The following FBH1 variants were observed in gnomAD, a reference collection of about 807,000 sequenced individuals.
The protein encoded by FBH1 is DNA 3'-5' helicase 1.
FBH1 carries 43 observed loss-of-function variants against 115.5 expected under a neutral mutation model. The observed-to-expected ratio is 0.37, with a 90% CI of 0.29 to 0.48. FBH1 has a LOEUF of 0.48. FBH1 is among the 20% of genes least tolerant of loss of function. The pLI is 0.99. For missense variants in FBH1, 1,001 were observed against 1,337.3 expected, an observed-to-expected ratio of 0.75 and a Z score of 3.92; for synonymous variants, 524 against 507.8, an observed-to-expected ratio of 1.03 and a Z score of -0.43.
Position 5,917,119 on chromosome 10 carries a change from T to G in FBH1, c.1789-301T>G. On this transcript the variant is annotated intron_variant, in intron 10 of 20. Coordinates refer to ENST00000362091, the MANE Select transcript of FBH1 (RefSeq NM_178150.3). This position sits in a 1 kb window ranked among gnomAD's most constrained non-coding sequence, Gnocchi z 5.6. Reference sequence around the variant, plus strand: ...TTTCAATCATGTGCCATTGTTTTTGTGAATTAAGCATCAGTCATAAATCTA... The same window carrying G: ...TTTCAATCATGTGCCATTGTTTTTGGGAATTAAGCATCAGTCATAAATCTA... The G allele has an allele frequency of 3.0e-6, 1 of 334,682 alleles. No homozygotes were observed. The highest frequency in any genetic ancestry group is 5.6e-6 in the Non-Finnish European group (1 of 179,140). 20.7% of individuals were successfully genotyped at this position (334,682 alleles called of 1,614,324 possible). A position where few individuals can be genotyped will look rare whatever the true frequency, so the allele number is the denominator to read the frequency against.
chr10:5,909,851 C>T lies in FBH1; in HGVS notation c.1020+557C>T, dbSNP rs540360365. ...AGAGGGCTGGGAACCCAGGCAACTGCATTTCTGTTTCTCTTGAAGAAGATG... is the reference window on the plus strand; with the variant it reads ...AGAGGGCTGGGAACCCAGGCAACTGTATTTCTGTTTCTCTTGAAGAAGATG... On this transcript the variant is annotated intron_variant, in intron 5 of 20. Coordinates refer to ENST00000362091, the MANE Select transcript of FBH1 (RefSeq NM_178150.3). The surrounding 1 kb of genome is among the most constrained non-coding windows in gnomAD (Gnocchi z 4.4). 6.6e-6 allele frequency among the ~76,000 whole-genome samples: 1 copy of T among 152,314 alleles called. No homozygotes were observed. The highest frequency in any genetic ancestry group is 1.9e-4 in the East Asian group (1 of 5,180).
chr10:5,936,794 G>T lies in FBH1; in HGVS notation c.2961+207G>T. 1 of 664,054 alleles carries T rather than the reference G, an allele frequency of 1.5e-6. No homozygotes were observed. The highest frequency in any genetic ancestry group is 2.5e-6 in the Non-Finnish European group (1 of 401,378). 41.1% of individuals were successfully genotyped at this position (664,054 alleles called of 1,614,324 possible). On this transcript the variant is annotated intron_variant, in intron 20 of 20. Transcript: ENST00000362091. The surrounding 1 kb of genome is among the most constrained non-coding windows in gnomAD (Gnocchi z 5.6). ...GATGCTGCCTGGCTGTGCTGAAGCC[G>T]CAGGTCTGGGAGGCTGGGTTGTGAT...
In FBH1 at chr10:5,931,855, A is replaced by G. The variant is rs1564464998; in HGVS notation, c.2829+4314A>G. Among the ~76,000 whole-genome samples the G allele has an allele frequency of 6.6e-6, 1 of 152,130 alleles. No individual in the cohort carries two copies. The highest frequency in any genetic ancestry group is 1.5e-5 in the Non-Finnish European group (1 of 68,018). On this transcript the variant is annotated intron_variant, in intron 19 of 20. Transcript: ENST00000362091. The surrounding 1 kb of genome is among the most constrained non-coding windows in gnomAD (Gnocchi z 4.3). ...GCCTGTTAATGTTTTCAAAGTCAAA[A>G]CCTTGCGCCTGGGCACAGTGGCTCA... is the stretch of plus-strand genomic sequence containing the variant.
chr10:5,910,844 C>A lies in FBH1; in HGVS notation c.1021-94C>A. 9.2e-7 allele frequency: 1 copy of A among 1,082,388 alleles called. No individual in the cohort carries two copies. Among genetic ancestry groups the A allele is most frequent in the Non-Finnish European group, 1.3e-6 (1 of 759,760 alleles). The allele number at this position is 1,082,388 out of a possible 1,614,324, so 67.0% of individuals were successfully genotyped here. A position where few individuals can be genotyped will look rare whatever the true frequency, so the allele number is the denominator to read the frequency against. ...AGACAGTCTGTAGCCAGCAGCTGGA[C>A]CCGTGGCTCGGCTTTCCTGACTCCT... On this transcript the variant is annotated intron_variant, in intron 5 of 20. Transcript: ENST00000362091. This position sits in a 1 kb window ranked among gnomAD's most constrained non-coding sequence, Gnocchi z 4.8.
rs60670017 is a variant in FBH1, at chr10:5,906,060, C to A, written c.181C>A (p.Pro61Thr). 1.2e-6 allele frequency: 2 copies of A among 1,610,258 alleles called. No homozygotes were observed. Among genetic ancestry groups the A allele is most frequent in the Non-Finnish European group, 1.7e-6 (2 of 1,176,812 alleles). The change falls in exon 3 of 21, where the codon CCT becomes ACT. Residue 61 changes from proline to threonine, a missense_variant. Pro to Thr is a conservative substitution (Grantham distance 38). Coordinates refer to ENST00000362091, the MANE Select transcript of FBH1 (RefSeq NM_178150.3). This position sits in a 1 kb window ranked among gnomAD's most constrained non-coding sequence, Gnocchi z 7.3. Reference protein sequence around the residue: ...SRGQGSQRCIPEFFLAGKQPC... With the variant: ...SRGQGSQRCITEFFLAGKQPC... ...AGGTCAGGGAAGTCAAAGATGCATC[C>A]CTGAGTTCTTCCTAGCAGGCAAGCA...
At chr10:5,893,973 T>C in intron 1 of FBH1, 1 of 984,928 alleles carries the variant, frequency 1.0e-6, no homozygotes, top group Non-Finnish European at 1.2e-6. Flanking sequence ...CTTTCTTTCT[T>C]TAGGAAAAAC....
Position 5,924,361 on chromosome 10 carries a change from GGCTT to G in FBH1, c.2450_2453del (p.Gly817ValfsTer8), listed in dbSNP as rs1465032699. 6.2e-7 allele frequency: 1 copy of G among 1,614,102 alleles called. No individual in the cohort carries two copies. Among genetic ancestry groups the G allele is most frequent in the Non-Finnish European group, 8.5e-7 (1 of 1,180,034 alleles). On this transcript the variant is annotated frameshift_variant, in exon 17 of 21. Coordinates refer to ENST00000362091, the MANE Select transcript of FBH1 (RefSeq NM_178150.3). LOFTEE classifies it high-confidence loss of function. This position sits in a 1 kb window ranked among gnomAD's most constrained non-coding sequence, Gnocchi z 6.2. ...TATCAGAAGATGGGTGCACAAAGAA[GGCTT>G]TAGTGGCTTCAAGAGGTATGTGACC...
chr10:5,916,808 G>A (rs1831993402), intron 10 of FBH1, among the ~76,000 whole-genome samples: 1 of 152,156 alleles, frequency 6.6e-6, no homozygotes, highest in South Asian at 2.1e-4. Flanking sequence ...AAGGTGGGAG[G>A]GTGAGGCTGT....
Position 5,923,781 on chromosome 10 carries a change from G to GGA in FBH1, c.2398+86_2398+87dup. 3.8e-6 allele frequency: 5 copies of GGA among 1,305,606 alleles called. No homozygotes were observed. Among genetic ancestry groups the GGA allele is most frequent in the Non-Finnish European group, 5.4e-6 (5 of 917,950 alleles). 80.9% of individuals were successfully genotyped at this position (1,305,606 alleles called of 1,614,324 possible). On this transcript the variant is annotated intron_variant, in intron 16 of 20. Transcript: ENST00000362091. The surrounding 1 kb of genome is among the most constrained non-coding windows in gnomAD (Gnocchi z 5.7). The stretch of plus-strand genomic sequence containing the variant: ...AAGAAGCAGGCCCAGTCTGAGTCAG[G>GGA]GACCCGTTTCCCTCCAGAGAAGGGC...
chr10:5,909,274 G>T lies in FBH1; in HGVS notation c.1000G>T (p.Asp334Tyr), dbSNP rs367743823. 6.2e-7 allele frequency: 1 copy of T among 1,611,010 alleles called. No individual in the cohort carries two copies. Among genetic ancestry groups the T allele is most frequent in the Non-Finnish European group, 8.5e-7 (1 of 1,179,984 alleles). ...GGCGTGTGTGCGGCAACACCTCCCC[G>T]ACCTCTACGCTGCTGCCGGGGTAGG... ...AEACVRQHLP[D>Y]LYAAAGGVNI... Residue 334 changes from aspartate to tyrosine, a missense_variant, in exon 5 of 21, where the codon GAC becomes TAC. Physicochemically the swap from Asp to Tyr is radical, Grantham distance 160. Around this residue, in one of 4 missense-constraint regions of FBH1, gnomAD observed 420 missense variants for 430.4 expected, o/e 0.98. Coordinates refer to ENST00000362091, the MANE Select transcript of FBH1 (RefSeq NM_178150.3). The surrounding 1 kb of genome is among the most constrained non-coding windows in gnomAD (Gnocchi z 4.4).
chr10:5,912,652 C>G (rs536209921), intron 6 of FBH1, among the ~76,000 whole-genome samples: 1 of 152,286 alleles, frequency 6.6e-6, no homozygotes, highest in Admixed American at 6.5e-5. Flanking sequence ...CAGAAATGTC[C>G]AAGAGTTTGC....
rs929599600 is a variant in FBH1, at chr10:5,900,461, C to G, written c.2-2559C>G. On this transcript the variant is annotated intron_variant, in intron 1 of 20. Coordinates refer to ENST00000362091, the MANE Select transcript of FBH1 (RefSeq NM_178150.3). This position sits in a 1 kb window ranked among gnomAD's most constrained non-coding sequence, Gnocchi z 4.2. ...CTCCCGCCAGGCCCTCGCCGGCTCACCACGCTGCGCTGTGCTGCTTCGTGA... is the reference window on the plus strand; with the variant it reads ...CTCCCGCCAGGCCCTCGCCGGCTCAGCACGCTGCGCTGTGCTGCTTCGTGA... Among the ~76,000 whole-genome samples, 10 of 152,214 alleles carry G rather than the reference C, an allele frequency of 6.6e-5. No individual in the cohort carries two copies. Among genetic ancestry groups the G allele is most frequent in the African/African-American group, 2.4e-4 (10 of 41,466 alleles).
At chr10:5,905,843 T>A (rs1357662450) in intron 2 of FBH1, among the ~76,000 whole-genome samples, 194 bp from the exon 3 acceptor site, 3 of 152,262 alleles carry the variant, frequency 2.0e-5, no homozygotes, top group Non-Finnish European at 4.4e-5. Flanking sequence ...AATGTGTGTC[T>A]GGTAATATGA....
At position 5,911,236 on chromosome 10, in the gene FBH1, G is replaced by T; in HGVS notation, c.1211+108G>T. 2 of 1,066,022 alleles carry T rather than the reference G, an allele frequency of 1.9e-6. No individual in the cohort carries two copies. Among genetic ancestry groups the T allele is most frequent in the East Asian group, 4.9e-5 (2 of 40,606 alleles). 66.0% of individuals were successfully genotyped at this position (1,066,022 alleles called of 1,614,324 possible). On this transcript the variant is annotated intron_variant, in intron 6 of 20. Transcript: ENST00000362091. The surrounding 1 kb of genome is among the most constrained non-coding windows in gnomAD (Gnocchi z 5.4). ...GCAGTGTTAGCACCTGGCAGGCTGT[G>T]GGACCCACCTGCTCCACCTCAGTGT...
At chr10:5,908,765 C>G (rs531045311) in intron 3 of FBH1, among the ~76,000 whole-genome samples, 160 bp from the exon 4 acceptor site, 1 of 152,210 alleles carries the variant, frequency 6.6e-6, no homozygotes, top group East Asian at 1.9e-4. Context: ...TGCCATCATG[C>G]CTGGCTAATT....
Position 5,895,076 on chromosome 10 carries a change from G to C in FBH1, c.1+4730G>C, listed in dbSNP as rs143563006. On this transcript the variant is annotated intron_variant, in intron 1 of 20. Transcript: ENST00000362091. This position sits in a 1 kb window ranked among gnomAD's most constrained non-coding sequence, Gnocchi z 5.0. The stretch of plus-strand genomic sequence containing the variant: ...CACAGGCTGCCATTGGACCTGTCAA[G>C]TGCCTGAGTCATGTGATAATGGGCT... The C allele has an allele frequency of 2.4e-4, 380 of 1,613,598 alleles. 1 individual carries two copies. In the East Asian group the frequency reaches 8.0e-3, roughly 34 times the overall value.
rs117923785 is a variant in FBH1, at chr10:5,925,226, C to T, written c.2597-141C>T. 1.2e-4 allele frequency: 116 copies of T among 998,930 alleles called. No homozygotes were observed. The East Asian group carries it at 2.0e-3, about 17-fold the overall frequency. The allele number at this position is 998,930 out of a possible 1,614,324, so 61.9% of individuals were successfully genotyped here. Reference sequence around the variant, plus strand: ...GTTGTCTGTTCCCGACAGTTGTTTCCTCTTTCCCCCTTTTCCTACAAAACT... The same window carrying T: ...GTTGTCTGTTCCCGACAGTTGTTTCTTCTTTCCCCCTTTTCCTACAAAACT... On this transcript the variant is annotated intron_variant, in intron 17 of 20. Coordinates refer to ENST00000362091, the MANE Select transcript of FBH1 (RefSeq NM_178150.3). This position sits in a 1 kb window ranked among gnomAD's most constrained non-coding sequence, Gnocchi z 4.6.
rs975784166 is a variant in FBH1 at position 5,890,266 on chromosome 10, C to T, written c.-80C>T. Reference sequence around the variant, plus strand: ...AGGTCCCGGCCAGAGGAGGAGCTCGCTGCCGGGGGACGCTGGGCTGAGCGG... The same window carrying T: ...AGGTCCCGGCCAGAGGAGGAGCTCGTTGCCGGGGGACGCTGGGCTGAGCGG... On this transcript the variant is annotated 5_prime_UTR_variant, in exon 1 of 21. Coordinates refer to ENST00000362091, the MANE Select transcript of FBH1 (RefSeq NM_178150.3). 22 of 368,264 alleles carry T rather than the reference C, an allele frequency of 6.0e-5. No individual in the cohort carries two copies. Among genetic ancestry groups the T allele is most frequent in the African/African-American group, 4.3e-4 (20 of 46,576 alleles). The allele number at this position is 368,264 out of a possible 1,614,324, so 22.8% of individuals were successfully genotyped here.
intron 13 of FBH1, among the ~76,000 whole-genome samples, chr10:5,919,475 G>A (rs1832186776): frequency 6.6e-6 from 1 of 152,054 alleles, no homozygotes; most frequent in Non-Finnish European, 1.5e-5. Flanking sequence ...GACAGAATGA[G>A]ACTCTGTCTT....
Sources: allele counts gnomAD v4.1 joint callset (sites outside exome capture counted in the v4.1 genomes callset), GRCh38; gene constraint gnomAD v4.1.1; regional missense constraint gnomAD v4.1.1; non-coding constraint Gnocchi (gnomAD v3.1); transcripts MANE v1.5; gene names NCBI Gene and HGNC (gene_info 2026-07-23, HGNC 2026-07-21).